The following MARCHF1 variants were observed in gnomAD, a reference collection of about 807,000 sequenced individuals.
The protein encoded by MARCHF1 is E3 ubiquitin-protein ligase MARCHF1.
A neutral mutation model predicts 54.2 loss-of-function variants in MARCHF1; 40 were observed. The ratio of observed to expected loss-of-function variants is 0.74; its 90% CI spans 0.57 to 0.96. The LOEUF is 0.96. MARCHF1 is among the 40% of genes least tolerant of loss of function. The pLI, the probability that MARCHF1 is intolerant of heterozygous loss-of-function variation, is 0.00. For missense variants in MARCHF1, 586 were observed against 656.5 expected (o/e 0.89, Z 1.17); for synonymous variants, 236 against 236.3 (o/e 1.00, Z 0.01).
chr4:163,684,451 C>T (rs372713707), intron 5 of MARCHF1, among the ~76,000 whole-genome samples: 9 of 152,218 alleles, frequency 5.9e-5, no homozygotes, highest in African/African-American at 2.2e-4. Context: ...CATTTGGCTA[C>T]ATGTCACACC....
intron 3 of MARCHF1, among the ~76,000 whole-genome samples, chr4:163,965,990 A>T (rs1182370231): frequency 6.6e-6 from 1 of 152,104 alleles, no homozygotes; most frequent in Non-Finnish European, 1.5e-5. Flanking sequence ...AGATACAATA[A>T]CATAAACATT....
At chr4:163,843,970 ATT>A (rs1009057428) in intron 4 of MARCHF1, among the ~76,000 whole-genome samples, 2 of 151,190 alleles carry the variant, frequency 1.3e-5, no homozygotes, top group African/African-American at 4.9e-5. Flanking sequence ...TTTTTTTTCA[ATT>A]TGTTTTCTTT....
intron 4 of MARCHF1, among the ~76,000 whole-genome samples, chr4:163,850,565 A>G (rs1749613996): frequency 6.6e-6 from 1 of 152,248 alleles, no homozygotes; most frequent in Admixed American, 6.5e-5. Flanking sequence ...ACTGAAATAC[A>G]GAAATTTGAA....
chr4:163,612,945 T>G lies in MARCHF1; in HGVS notation c.336A>C (p.Lys112Asn). ...LSPARKESGKKSVIQRPRRRR... is the reference protein window; with the variant it reads ...LSPARKESGKNSVIQRPRRRR... ...TCCTCCTAGGTCTTTGTATTACTGA[T>G]TTCTTACCAGACTCCTTCCTAGCAG... Residue 112 changes from lysine to asparagine, a missense_variant, in exon 7 of 10, where the codon AAA becomes AAC. Physicochemically the swap from Lys to Asn is moderately conservative, Grantham distance 94. Transcript: ENST00000514618. 2 of 1,535,148 alleles carry G rather than the reference T, an allele frequency of 1.3e-6. No individual in the cohort carries two copies. Among genetic ancestry groups the G allele is most frequent in the Non-Finnish European group, 1.7e-6 (2 of 1,146,376 alleles).
At chr4:164,377,217 C>G (rs1453694471) in intron 1 of MARCHF1, among the ~76,000 whole-genome samples, 1 of 152,196 alleles carries the variant, frequency 6.6e-6, no homozygotes, top group Non-Finnish European at 1.5e-5. Flanking sequence ...AACAAAAATT[C>G]TAGGTCAATC....
chr4:163,744,246 A>C (rs183369032), intron 4 of MARCHF1, among the ~76,000 whole-genome samples: 2 of 152,204 alleles, frequency 1.3e-5, no homozygotes, highest in East Asian at 3.9e-4. Flanking sequence ...TTTTCGAACC[A>C]ATTTTTTTTT....
At chr4:163,640,180 G>A (rs1742504317) in intron 5 of MARCHF1, among the ~76,000 whole-genome samples, 1 of 152,090 alleles carries the variant, frequency 6.6e-6, no homozygotes, top group Non-Finnish European at 1.5e-5. Flanking sequence ...AGTTCTCTTT[G>A]CTAATAGCTA....
chr4:163,631,475 G>A (rs971633855), intron 5 of MARCHF1, among the ~76,000 whole-genome samples: 1 of 152,186 alleles, frequency 6.6e-6, no homozygotes, highest in Non-Finnish European at 1.5e-5. Context: ...TTACAGGTAT[G>A]AGCCATGGCG....
rs1258787429 is a variant in MARCHF1, at chr4:163,854,165, A to T, written c.-34T>A. On this transcript the variant is annotated 5_prime_UTR_variant, in exon 4 of 10. Transcript: ENST00000514618. ...TCCTCTTATCCCTTTTCAATTTCTG[A>T]AATTCTGAAAATAATTTACATTCCC... 6.6e-7 allele frequency: 1 copy of T among 1,504,596 alleles called. No individual in the cohort carries two copies. Among genetic ancestry groups the T allele is most frequent in the East Asian group, 2.5e-5 (1 of 40,250 alleles). The allele number at this position is 1,504,596 out of a possible 1,614,324, so 93.2% of individuals were successfully genotyped here.
At chr4:164,359,939 G>A (rs1730676717) in intron 1 of MARCHF1, among the ~76,000 whole-genome samples, 1 of 152,148 alleles carries the variant, frequency 6.6e-6, no homozygotes, top group Admixed American at 6.5e-5. Context: ...GAGAACCACA[G>A]ATAGAGACTT....
Position 163,970,043 on chromosome 4 carries a change from C to G in MARCHF1, c.-39+18458G>C, listed in dbSNP as rs146252918. On this transcript the variant is annotated intron_variant, in intron 3 of 9. Transcript: ENST00000514618. ...AAAGCAAGAGCTAAAGCCATTAGAT[C>G]TCACATATTCAGAGGGCCCGAGAGA... is the stretch of plus-strand genomic sequence containing the variant. 3.3e-4 allele frequency among the ~76,000 whole-genome samples: 50 copies of G among 152,192 alleles called. 1 individual carries two copies. The East Asian group carries it at 9.5e-3, about 29-fold the overall frequency.
At chr4:163,964,856 C>A (rs575077855) in intron 3 of MARCHF1, among the ~76,000 whole-genome samples, 87 of 151,976 alleles carry the variant, frequency 5.7e-4, no homozygotes, top group Non-Finnish European at 1.1e-3. Context: ...CATCTTTGAG[C>A]TTGTCCTGGA....
At position 163,921,955 on chromosome 4, in the gene MARCHF1, A is replaced by C. The variant is rs181521803; in HGVS notation, c.-39+66546T>G. Among the ~76,000 whole-genome samples, 1,439 of 152,250 alleles carry C rather than the reference A, an allele frequency of 9.5e-3. 10 individuals are homozygous for C. The highest frequency in any genetic ancestry group is 0.016 in the Non-Finnish European group (1,064 of 68,022). ...TGCGGCACTATTCACAATAGCAAAA[A>C]CTTGGAACCAACCCAAATGTCCAAC... On this transcript the variant is annotated intron_variant, in intron 3 of 9. Coordinates refer to ENST00000514618, the MANE Select transcript of MARCHF1 (RefSeq NM_001394959.1).
chr4:164,150,068 C>A (rs1346915001), intron 1 of MARCHF1, among the ~76,000 whole-genome samples: 2 of 151,990 alleles, frequency 1.3e-5, no homozygotes, highest in African/African-American at 4.8e-5. Context: ...CAGTTACTGC[C>A]AAAAACAGCA....
chr4:163,785,282 T>C (rs1747584626), intron 4 of MARCHF1, among the ~76,000 whole-genome samples: 1 of 152,108 alleles, frequency 6.6e-6, no homozygotes, highest in African/African-American at 2.4e-5. Context: ...TCCAATTATA[T>C]TAATTTTGCA....
rs74801952 is a variant in MARCHF1, at chr4:163,854,635, C to T, written c.-38-466G>A. Among the ~76,000 whole-genome samples the T allele has an allele frequency of 7.9e-3, 1,206 of 152,254 alleles. 16 individuals carry two copies. The highest frequency in any genetic ancestry group is 0.027 in the African/African-American group (1,117 of 41,550). ...AGGCCAGTGACAAATATTACTCATT[C>T]TGGCAGTGCCATGATTTTCTCTCTT... On this transcript the variant is annotated intron_variant, in intron 3 of 9. Transcript: ENST00000514618.
chr4:163,732,400 A>T (rs1288611235), intron 4 of MARCHF1, among the ~76,000 whole-genome samples: 1 of 152,096 alleles, frequency 6.6e-6, no homozygotes, highest in Non-Finnish European at 1.5e-5. Context: ...CTAGAGGCTA[A>T]CTCTAAGCAG....
chr4:163,858,541 C>T lies in MARCHF1; in HGVS notation c.-38-4372G>A, dbSNP rs559117432. ...TCTAAGAATGTGAAGGGCTGCTAAA[C>T]GGAAAATTTTAGAGATTTTATGTAT... On this transcript the variant is annotated intron_variant, in intron 3 of 9. Transcript: ENST00000514618. Among the ~76,000 whole-genome samples, 142 of 152,186 alleles carry T rather than the reference C, an allele frequency of 9.3e-4. 1 individual carries two copies. The South Asian group carries it at 0.021, about 22-fold the overall frequency.
chr4:163,823,432 C>G (rs1560772986), intron 4 of MARCHF1, among the ~76,000 whole-genome samples: 1 of 151,782 alleles, frequency 6.6e-6, no homozygotes, highest in Non-Finnish European at 1.5e-5. Context: ...ATCTAATCAA[C>G]TCTAAATACC....
Sources: allele counts gnomAD v4.1 joint callset (sites outside exome capture counted in the v4.1 genomes callset), GRCh38; gene constraint gnomAD v4.1.1; transcripts MANE v1.5; gene names NCBI Gene and HGNC (gene_info 2026-07-23, HGNC 2026-07-21).